DAB1: variants seen among roughly 807,000 people sequenced by gnomAD.
DAB1 encodes disabled homolog 1.
Under a neutral mutation model 64.6 loss-of-function variants are expected in DAB1, and 15 were observed. The observed-to-expected ratio is 0.23, with a 90% confidence interval of 0.16 to 0.36. DAB1 has a LOEUF of 0.36. Ranked by LOEUF, DAB1 falls within the 10% of genes least tolerant of loss-of-function variation. The pLI, the probability that DAB1 is intolerant of heterozygous loss-of-function variation, is 1.00. For synonymous variants in DAB1, 235 were observed against 251.9 expected (o/e 0.93, Z 0.64); for missense variants, 596 against 706.7 (o/e 0.84, Z 1.78).
At chr1:57,080,073 A>G (rs1557682639) in intron 4 of DAB1, among the ~76,000 whole-genome samples, 1 of 152,230 alleles carries the variant, frequency 6.6e-6, no homozygotes, top group Non-Finnish European at 1.5e-5. Context: ...TATACATAAC[A>G]TACAATTTAT....
intron 4 of DAB1, among the ~76,000 whole-genome samples, chr1:57,133,765 T>C (rs563044036): frequency 6.6e-6 from 1 of 152,314 alleles, no homozygotes; most frequent in South Asian, 2.1e-4. Context: ...CAGTCAAGCT[T>C]GAGCAAAAAT....
intron 2 of DAB1, among the ~76,000 whole-genome samples, chr1:57,209,619 A>G (rs575146701): frequency 6.6e-6 from 1 of 152,334 alleles, no homozygotes; most frequent in South Asian, 2.1e-4. Flanking sequence ...ACTGAGTTGA[A>G]CAGATCTGAC....
At chr1:57,727,865 T>G (rs567462007) in intron 6 of DAB1, among the ~76,000 whole-genome samples, 1 of 152,118 alleles carries the variant, frequency 6.6e-6, no homozygotes, top group African/African-American at 2.4e-5. Context: ...TTTCACAATA[T>G]CTGGCTCAGC....
At chr1:57,062,023 C>A (rs1287194857) in intron 9 of DAB1, among the ~76,000 whole-genome samples, 1 of 152,220 alleles carries the variant, frequency 6.6e-6, no homozygotes, top group Admixed American at 6.5e-5. Flanking sequence ...TGCTCAAGAG[C>A]CTTCACTGGC....
At chr1:57,158,643 A>T (rs1365354492) in intron 2 of DAB1, among the ~76,000 whole-genome samples, 3 of 152,190 alleles carry the variant, frequency 2.0e-5, no homozygotes, top group Non-Finnish European at 4.4e-5. Context: ...TCTTGCAATT[A>T]TCCAGGTGTT....
chr1:57,033,953 G>C (rs1647045563), intron 9 of DAB1, among the ~76,000 whole-genome samples: 1 of 152,156 alleles, frequency 6.6e-6, no homozygotes, highest in Non-Finnish European at 1.5e-5. Context: ...TGGTTTCCAT[G>C]TGTTTTTATA....
chr1:57,182,727 G>C (rs997695685), intron 2 of DAB1, among the ~76,000 whole-genome samples: 1 of 152,168 alleles, frequency 6.6e-6, no homozygotes, highest in African/African-American at 2.4e-5. Flanking sequence ...GGACAGCTGA[G>C]ATGATTCTTA....
At chr1:58,493,735 G>C (rs1645743074) in intron 3 of DAB1, among the ~76,000 whole-genome samples, 1 of 151,700 alleles carries the variant, frequency 6.6e-6, no homozygotes, top group Admixed American at 6.6e-5. Context: ...TCTTCAAGGA[G>C]AACTACAAAC....
intron 4 of DAB1, among the ~76,000 whole-genome samples, chr1:58,153,645 T>C (rs1282609947): frequency 6.6e-6 from 1 of 152,038 alleles, no homozygotes; most frequent in Non-Finnish European, 1.5e-5. Flanking sequence ...TGTGGGGTGA[T>C]TGTTACATTT....
At chr1:58,192,472 A>C (rs1047500372) in intron 4 of DAB1, among the ~76,000 whole-genome samples, 1 of 151,986 alleles carries the variant, frequency 6.6e-6, no homozygotes. Flanking sequence ...CTATGTGTCC[A>C]TGTGTATCAT....
chr1:57,793,247 T>G (rs1313821638), intron 6 of DAB1, among the ~76,000 whole-genome samples: 2 of 152,220 alleles, frequency 1.3e-5, no homozygotes, highest in Non-Finnish European at 2.9e-5. Context: ...TGGAAGAGTT[T>G]TCTCTATTAC....
At chr1:57,831,099 T>C (rs1271408675) in intron 1 of DAB1, among the ~76,000 whole-genome samples, 1 of 151,968 alleles carries the variant, frequency 6.6e-6, no homozygotes, top group Non-Finnish European at 1.5e-5. Flanking sequence ...TTTTTTAGTA[T>C]AGACGGGGTT....
intron 6 of DAB1, among the ~76,000 whole-genome samples, chr1:57,751,306 G>C: frequency 6.6e-6 from 1 of 152,138 alleles, no homozygotes; most frequent in East Asian, 1.9e-4. Flanking sequence ...ACAGAGATAG[G>C]TGAGGAGAAG....
intron 5 of DAB1, among the ~76,000 whole-genome samples, chr1:57,907,961 G>A (rs1644580539): frequency 6.7e-6 from 1 of 149,002 alleles, no homozygotes; most frequent in African/African-American, 2.5e-5. Context: ...ATTTCACATG[G>A]AAACCAAATT....
intron 2 of DAB1, among the ~76,000 whole-genome samples, chr1:57,175,770 T>A (rs1451300179): frequency 6.6e-6 from 1 of 152,160 alleles, no homozygotes; most frequent in Non-Finnish European, 1.5e-5. Context: ...TCTTATGCTA[T>A]TGGACAATGC....
At position 57,206,968 on chromosome 1, in the gene DAB1, C is replaced by CTTTTTTTTT. The variant is rs201111039; in HGVS notation, c.68-61548_68-61540dup. Among the ~76,000 whole-genome samples the CTTTTTTTTT allele has an allele frequency of 4.6e-3, 392 of 84,452 alleles. 17 individuals are homozygous for CTTTTTTTTT. The highest frequency in any genetic ancestry group is 0.016 in the African/African-American group (329 of 20,316). 55.4% of individuals were successfully genotyped at this position (84,452 alleles called of 152,430 possible). On this transcript the variant is annotated intron_variant, in intron 2 of 14. Transcript: ENST00000371236. Reference sequence around the variant, plus strand: ...CTCTTTCTCTTTCTTTCCTTCCTTCCTTTTTTTTTTTTTTTTTTTTTTGGA... The same window carrying CTTTTTTTTT: ...CTCTTTCTCTTTCTTTCCTTCCTTCCTTTTTTTTTTTTTTTTTTTTTTTTTTTTTTTGGA...
At chr1:57,928,461 C>T (rs1447286740) in intron 5 of DAB1, among the ~76,000 whole-genome samples, 2 of 152,096 alleles carry the variant, frequency 1.3e-5, no homozygotes, top group Non-Finnish European at 2.9e-5. Flanking sequence ...ATCACTGTTA[C>T]TCAAAGACTA....
At chr1:57,886,633 G>A (rs977228932), upstream of DAB1, among the ~76,000 whole-genome samples, 1 of 152,056 alleles carries the variant, frequency 6.6e-6, no homozygotes, top group Admixed American at 6.6e-5. Context: ...TTAGTGTCAC[G>A]AATGGCAGTC....
chr1:58,520,096 AGGGAAG>A (rs1187857028), intron 2 of DAB1, among the ~76,000 whole-genome samples: 1 of 152,140 alleles, frequency 6.6e-6, no homozygotes, highest in Non-Finnish European at 1.5e-5. Flanking sequence ...CAACTACCAG[AGGGAAG>A]GGGGAAGGAG....
Sources: allele counts gnomAD v4.1 joint callset (sites outside exome capture counted in the v4.1 genomes callset), GRCh38; gene constraint gnomAD v4.1.1; transcripts MANE v1.5; gene names NCBI Gene and HGNC (gene_info 2026-07-23, HGNC 2026-07-21).